The following PCDHA7 variants were observed in gnomAD, a reference collection of about 807,000 sequenced individuals.
The protein encoded by PCDHA7 is protocadherin alpha 7.
In PCDHA7, 37 loss-of-function variants were observed where a neutral mutation model predicts 57.2. The observed-to-expected ratio is 0.65, with a 90% CI of 0.50 to 0.85. The LOEUF is 0.85. PCDHA7 is among the 40% of genes least tolerant of loss of function. The pLI, the probability that PCDHA7 is intolerant of heterozygous loss-of-function variation, is 0.00. For synonymous variants in PCDHA7, 553 were observed against 558.8 expected (o/e 0.99, Z 0.15); for missense variants, 1,188 against 1,241.8 (o/e 0.96, Z 0.65).
rs2150236474 is a variant in PCDHA7 at position 140,835,478 on chromosome 5, A to C, written c.1095A>C (p.Pro365=). The part of the protein sequence containing the change: ...LSLPIPEDAQ[P]GTVITLISVF... ...TCCCTATTCCAGAGGACGCCCAACC[A>C]GGTACCGTCATCACATTGATTAGCG... Residue 365 remains proline, a synonymous_variant, in exon 1 of 4, where the codon CCA becomes CCC. Coordinates refer to ENST00000525929, the MANE Select transcript of PCDHA7 (RefSeq NM_018910.3). 6.2e-7 allele frequency: 1 copy of C among 1,613,896 alleles called. No individual in the cohort carries two copies. Among genetic ancestry groups the C allele is most frequent in the South Asian group, 1.1e-5 (1 of 91,068 alleles).
chr5:140,873,230 A>G (rs888976655), intron 1 of PCDHA7, among the ~76,000 whole-genome samples: 2 of 152,354 alleles, frequency 1.3e-5, no homozygotes, highest in Admixed American at 1.3e-4. Context: ...AGGCAACAAT[A>G]TAAAAATATA....
chr5:140,988,574 T>C (rs538316418), intron 3 of PCDHA7, among the ~76,000 whole-genome samples: 1 of 152,342 alleles, frequency 6.6e-6, no homozygotes, highest in East Asian at 1.9e-4. Context: ...GAAAACACTC[T>C]GTACCTTCCA....
rs782773036 is a variant in PCDHA7 at position 140,870,430 on chromosome 5, G to T, written c.2355+33692G>T. 3 of 1,614,226 alleles carry T rather than the reference G, an allele frequency of 1.9e-6. No homozygotes were observed. In the African/African-American group the frequency reaches 4.0e-5, roughly 22 times the overall value. The stretch of plus-strand genomic sequence containing the variant: ...GTGGGCCACGGCCAGGGTATCCGTG[G>T]AGGTGGCCGACGTGAACGACAATGC... On this transcript the variant is annotated intron_variant, in intron 1 of 3. Transcript: ENST00000525929.
chr5:140,922,176 C>CA (rs3836750), intron 1 of PCDHA7, among the ~76,000 whole-genome samples: 11 of 150,702 alleles, frequency 7.3e-5, no homozygotes, highest in East Asian at 5.8e-4. Flanking sequence ...GTACAGCAGA[C>CA]AAAAAAAAAG....
chr5:140,862,621 C>T, intron 1 of PCDHA7: 1 of 528,720 alleles, frequency 1.9e-6, no homozygotes. Flanking sequence ...TAACAACCCG[C>T]GGGGCTGCCA....
At chr5:140,998,389 C>T (rs1386157244) in intron 3 of PCDHA7, among the ~76,000 whole-genome samples, 3 of 152,128 alleles carry the variant, frequency 2.0e-5, no homozygotes, top group Non-Finnish European at 4.4e-5. Flanking sequence ...AAGTTTAATG[C>T]CATCTTTATG....
rs200441286 is a variant in PCDHA7, at chr5:140,856,169, G to A, written c.2355+19431G>A. 1.9e-6 allele frequency: 3 copies of A among 1,598,230 alleles called. 1 individual carries two copies. The highest frequency in any genetic ancestry group is 2.6e-6 in the Non-Finnish European group (3 of 1,167,916). On this transcript the variant is annotated intron_variant, in intron 1 of 3. Transcript: ENST00000525929. ...CTCAGTCTACGAGGAGGCCAGACACGGCACCTTCGTGGGCCGCATCGCGCA... is the reference window on the plus strand; with the variant it reads ...CTCAGTCTACGAGGAGGCCAGACACAGCACCTTCGTGGGCCGCATCGCGCA...
chr5:140,856,542 CA>C (rs2044078032), intron 1 of PCDHA7: 1 of 1,598,136 alleles, frequency 6.3e-7, no homozygotes, highest in Admixed American at 1.7e-5. Context: ...GGAGAGAACG[CA>C]TTGCTTACTT....
At chr5:140,877,980 T>C in intron 1 of PCDHA7, 1 of 1,219,572 alleles carries the variant, frequency 8.2e-7, no homozygotes. Flanking sequence ...TTCTTACTCA[T>C]TTTGAACTTT....
intron 3 of PCDHA7, among the ~76,000 whole-genome samples, chr5:140,985,312 G>C (rs961087434): frequency 2.0e-5 from 3 of 152,102 alleles, no homozygotes; most frequent in Non-Finnish European, 2.9e-5. Flanking sequence ...TAGCCTGGTG[G>C]CCAGAATTCA....
At chr5:140,967,579 C>G in intron 1 of PCDHA7, 7 of 1,614,154 alleles carry the variant, frequency 4.3e-6, no homozygotes, top group South Asian at 1.1e-5. Context: ...AGGACTCACC[C>G]CCAGGCACAT....
At chr5:140,995,999 G>A (rs1489207802) in intron 3 of PCDHA7, among the ~76,000 whole-genome samples, 3 of 152,198 alleles carry the variant, frequency 2.0e-5, no homozygotes, top group Admixed American at 6.5e-5. Context: ...CAAAAATGTC[G>A]TCAGAACTAT....
intron 3 of PCDHA7, among the ~76,000 whole-genome samples, chr5:140,997,644 ATGCAATAT>A (rs1287449551): frequency 7.9e-5 from 12 of 151,656 alleles, no homozygotes; most frequent in African/African-American, 2.9e-4. Flanking sequence ...AAATGGGATA[ATGCAATAT>A]GTATTATTAT....
intron 3 of PCDHA7, among the ~76,000 whole-genome samples, chr5:140,990,233 G>A (rs782139012): frequency 5.3e-5 from 8 of 152,128 alleles, no homozygotes; most frequent in Non-Finnish European, 8.8e-5. Flanking sequence ...TGTAACTAGC[G>A]TTGTATTCCT....
Position 140,843,034 on chromosome 5 carries a change from T to C in PCDHA7, c.2355+6296T>C, listed in dbSNP as rs2150350687. 5.0e-6 allele frequency: 8 copies of C among 1,594,860 alleles called. 1 individual carries two copies. The African/African-American group carries it at 1.1e-4, about 21-fold the overall frequency. The stretch of plus-strand genomic sequence containing the variant: ...CGGCACTGCTGGAGCCTCGGGTGGG[T>C]GGCACTGGTGGCGCAGCGAGCAAGC... On this transcript the variant is annotated intron_variant, in intron 1 of 3. Transcript: ENST00000525929.
intron 1 of PCDHA7, chr5:140,871,314 G>A (rs199741530): frequency 6.2e-7 from 1 of 1,614,048 alleles, no homozygotes; most frequent in East Asian, 2.2e-5. Context: ...GGAAGCCCAC[G>A]CTGGTGTGCT....
chr5:140,927,172 G>C (rs782548172), intron 1 of PCDHA7: 2 of 1,614,034 alleles, frequency 1.2e-6, no homozygotes, highest in African/African-American at 2.7e-5. Flanking sequence ...AGCTGCCTGC[G>C]TCTTGACCTA....
intron 1 of PCDHA7, among the ~76,000 whole-genome samples, chr5:140,957,852 A>T (rs968818783): frequency 6.6e-6 from 1 of 151,658 alleles, no homozygotes. Flanking sequence ...GAGTTTGTGT[A>T]TTTTTTTTCC....
At chr5:140,886,507 G>A (rs2061007189) in intron 1 of PCDHA7, among the ~76,000 whole-genome samples, 1 of 151,788 alleles carries the variant, frequency 6.6e-6, no homozygotes, top group South Asian at 2.1e-4. Context: ...TCCTTTTATG[G>A]ATTTTAAGGT....
Sources: allele counts gnomAD v4.1 joint callset (sites outside exome capture counted in the v4.1 genomes callset), GRCh38; gene constraint gnomAD v4.1.1; transcripts MANE v1.5; gene names NCBI Gene and HGNC (gene_info 2026-07-23, HGNC 2026-07-21).